Variants in TRAK1 observed in about 807,000 individuals in gnomAD.
TRAK1 encodes trafficking kinesin protein 1, also known as trafficking kinesin-binding protein 1.
In TRAK1, 33 loss-of-function variants were observed where a neutral mutation model predicts 92.1. The observed-to-expected ratio is 0.36, with a 90% CI of 0.27 to 0.48. TRAK1 has a LOEUF of 0.48. TRAK1 is among the 20% of genes least tolerant of loss of function. TRAK1 has a pLI of 0.99. For synonymous variants in TRAK1, 521 were observed against 517.3 expected, an observed-to-expected ratio of 1.01 and a Z score of -0.10; for missense variants, 1,123 against 1,257.9, an observed-to-expected ratio of 0.89 and a Z score of 1.62.
At chr3:42,213,412 T>C (rs1236497753) in intron 14 of TRAK1, among the ~76,000 whole-genome samples, 1 of 152,192 alleles carries the variant, frequency 6.6e-6, no homozygotes, top group African/African-American at 2.4e-5. Context: ...TGGCTAAAAT[T>C]GCCCTTAAAA....
intron 10 of TRAK1, among the ~76,000 whole-genome samples, chr3:42,197,908 T>C (rs1576956990): frequency 6.6e-6 from 1 of 152,214 alleles, no homozygotes; most frequent in South Asian, 2.1e-4. Context: ...CATGTGGCTG[T>C]GCAAATTTAA....
intron 1 of TRAK1, among the ~76,000 whole-genome samples, chr3:42,095,718 G>GTCATCA (rs1553713896): frequency 7.9e-5 from 12 of 151,300 alleles, no homozygotes; most frequent in East Asian, 5.8e-4. Flanking sequence ...CTTTATCATC[G>GTCATCA]TCATCATCAT....
At chr3:42,167,345 A>C (rs946350926) in intron 2 of TRAK1, among the ~76,000 whole-genome samples, 1 of 152,156 alleles carries the variant, frequency 6.6e-6, no homozygotes, top group African/African-American at 2.4e-5. Context: ...ATGTGACCTA[A>C]ACAGCCCAGG....
Position 42,223,942 on chromosome 3 carries a change from C to A in TRAK1, c.*205C>A. ...TACATAGGACTTGGAGACCTTGTGTCCGCCCTGCTCTTTCTTCCGATCCCA... is the reference window on the plus strand; with the variant it reads ...TACATAGGACTTGGAGACCTTGTGTACGCCCTGCTCTTTCTTCCGATCCCA... On this transcript the variant is annotated 3_prime_UTR_variant, in exon 16 of 16. Transcript: ENST00000327628. This position sits in a 1 kb window ranked among gnomAD's most constrained non-coding sequence, Gnocchi z 6.1. The A allele has an allele frequency of 1.5e-6, 1 of 665,530 alleles. No homozygotes were observed. The highest frequency in any genetic ancestry group is 2.6e-6 in the Non-Finnish European group (1 of 379,208). 41.2% of individuals were successfully genotyped at this position (665,530 alleles called of 1,614,324 possible).
At chr3:42,168,211 T>C (rs1370269724) in intron 2 of TRAK1, among the ~76,000 whole-genome samples, 1 of 152,232 alleles carries the variant, frequency 6.6e-6, no homozygotes, top group Non-Finnish European at 1.5e-5. Flanking sequence ...ATGTGCTGTT[T>C]ATCAGTGCTA....
At chr3:42,215,246 CCTAT>C (rs1392893510) in intron 14 of TRAK1, among the ~76,000 whole-genome samples, 4 of 152,136 alleles carry the variant, frequency 2.6e-5, no homozygotes, top group Non-Finnish European at 4.4e-5. Flanking sequence ...TTGCTTCTTC[CCTAT>C]CTGTTTAATG....
At chr3:42,035,272 C>T (rs190251181) in intron 1 of TRAK1, among the ~76,000 whole-genome samples, 20 of 152,310 alleles carry the variant, frequency 1.3e-4, no homozygotes, top group Admixed American at 1.0e-3. Context: ...AACCACACCA[C>T]CTTAATTGCC....
intron 1 of TRAK1, among the ~76,000 whole-genome samples, chr3:42,112,053 A>AG (rs1708482913): frequency 6.8e-6 from 1 of 147,528 alleles, no homozygotes; most frequent in African/African-American, 2.5e-5. Context: ...CCTACTCCAG[A>AG]GTGTACTAAG....
chr3:42,077,911 G>C (rs574648852), intron 1 of TRAK1, among the ~76,000 whole-genome samples: 25 of 152,336 alleles, frequency 1.6e-4, no homozygotes, highest in Admixed American at 3.9e-4. Flanking sequence ...GAGCGTCTCA[G>C]ACTTTTATCC....
intron 2 of TRAK1, among the ~76,000 whole-genome samples, chr3:42,138,876 GGTGTGTGTGTGTGTGTGTGT>G (rs60025099): frequency 4.2e-5 from 5 of 118,776 alleles, no homozygotes; most frequent in Admixed American, 8.5e-5. Context: ...AAGCATAGGG[GGTGTGTGTGTGTGTGTGTGT>G]GTGTGTGTGT....
At chr3:42,160,368 C>T (rs1350436571) in intron 2 of TRAK1, 9 of 1,614,008 alleles carry the variant, frequency 5.6e-6, no homozygotes, top group Non-Finnish European at 7.6e-6. Context: ...AGCAATGTCC[C>T]TGCGAGACAA....
intron 14 of TRAK1, among the ~76,000 whole-genome samples, chr3:42,215,100 T>C (rs1305959152): frequency 6.6e-6 from 1 of 152,208 alleles, no homozygotes; most frequent in Admixed American, 6.5e-5. Flanking sequence ...ATGCAGCTTT[T>C]CCCACGTGAA....
chr3:42,018,471 G>A (rs1387592151), intron 1 of TRAK1, among the ~76,000 whole-genome samples: 5 of 152,098 alleles, frequency 3.3e-5, no homozygotes, highest in Non-Finnish European at 7.4e-5. Context: ...AGTGGATTTT[G>A]TACTAACATC....
At chr3:42,164,406 A>G (rs2149316126) in intron 2 of TRAK1, among the ~76,000 whole-genome samples, 1 of 152,304 alleles carries the variant, frequency 6.6e-6, no homozygotes, top group African/African-American at 2.4e-5. Context: ...TCACTCATTT[A>G]ATCTTTAAAA....
intron 1 of TRAK1, among the ~76,000 whole-genome samples, chr3:42,113,690 C>T (rs899303308): frequency 2.0e-5 from 3 of 152,172 alleles, no homozygotes; most frequent in African/African-American, 4.8e-5. Context: ...TCTGGGATTA[C>T]AGGCATGAGC....
chr3:42,018,235 T>A (rs1383591034), intron 1 of TRAK1, among the ~76,000 whole-genome samples: 3 of 150,582 alleles, frequency 2.0e-5, no homozygotes, highest in Admixed American at 6.7e-5. Flanking sequence ...ACCATTGTAC[T>A]CTAGCCTAGG....
At chr3:42,158,147 A>G (rs760717879) in intron 2 of TRAK1, among the ~76,000 whole-genome samples, 1 of 152,210 alleles carries the variant, frequency 6.6e-6, no homozygotes, top group South Asian at 2.1e-4. Flanking sequence ...TAGAATATCT[A>G]AGTCTCTGTA....
chr3:42,032,480 G>GAA lies in TRAK1; in HGVS notation c.-519+18378_-519+18379dup, dbSNP rs57423237. Among the ~76,000 whole-genome samples, 968 of 120,852 alleles carry GAA rather than the reference G, an allele frequency of 8.0e-3. 47 individuals are homozygous for GAA. The East Asian group carries it at 0.15, about 19-fold the overall frequency. 79.3% of individuals were successfully genotyped at this position (120,852 alleles called of 152,430 possible). ...AAATACACCCGGAGTGGGTCAACCT[G>GAA]AAAAAAAAAAAAAAAACCATCTTTG... On this transcript the variant is annotated intron_variant, in intron 1 of 16. Transcript: ENST00000487159.
At chr3:42,055,931 A>G (rs952556640) in intron 1 of TRAK1, among the ~76,000 whole-genome samples, 1 of 152,202 alleles carries the variant, frequency 6.6e-6, no homozygotes, top group Non-Finnish European at 1.5e-5. Context: ...GAATCATACA[A>G]TATGTAGTCC....
Sources: gnomAD v4.1 joint callset for allele counts (sites outside exome capture counted in the v4.1 genomes callset) on GRCh38, gnomAD v4.1.1 for gene constraint, Gnocchi (gnomAD v3.1) non-coding constraint, MANE v1.5 for transcripts, NCBI Gene and HGNC (gene_info 2026-07-23, HGNC 2026-07-21) for gene names.